Variants in CCDC171 observed in about 807,000 individuals in gnomAD.
CCDC171 encodes the protein coiled-coil domain containing 171, also known as coiled-coil domain-containing protein 171.
In CCDC171, 177 loss-of-function variants were observed where a neutral mutation model predicts 168.2. The observed-to-expected ratio is 1.05, with a 90% CI of 0.93 to 1.19. The LOEUF is 1.19. CCDC171 is among the 50% of genes most tolerant of loss of function. CCDC171 has a pLI of 0.00. For missense variants in CCDC171, 1,991 were observed against 1,539.0 expected (o/e 1.29, Z -4.91); for synonymous variants, 687 against 540.8 (o/e 1.27, Z -3.75).
chr9:15,706,475 A>G (rs772910205), intron 11 of CCDC171, among the ~76,000 whole-genome samples: 1 of 151,848 alleles, frequency 6.6e-6, no homozygotes, highest in Non-Finnish European at 1.5e-5. Context: ...TTTTATAGAG[A>G]TGGGATTTCA....
At chr9:15,719,685 A>C (rs528245839) in intron 11 of CCDC171, among the ~76,000 whole-genome samples, 2 of 152,304 alleles carry the variant, frequency 1.3e-5, no homozygotes, top group Admixed American at 1.3e-4. Context: ...AAGAATGTTC[A>C]TAGGTCAGTA....
intron 21 of CCDC171, among the ~76,000 whole-genome samples, chr9:15,820,379 T>C (rs190152397): frequency 0.025 from 2,862 of 114,572 alleles, 847 homozygotes; most frequent in African/African-American, 0.09. Flanking sequence ...AAAAAACCCT[T>C]CAAAAAATCA....
intron 21 of CCDC171, among the ~76,000 whole-genome samples, chr9:15,794,332 G>T (rs528031249): frequency 2.0e-5 from 3 of 152,024 alleles, no homozygotes; most frequent in Non-Finnish European, 4.4e-5. Flanking sequence ...AGGCATGTTG[G>T]TGGGCACCTG....
intron 7 of CCDC171, among the ~76,000 whole-genome samples, chr9:15,641,766 C>T (rs1341270201): frequency 6.6e-6 from 1 of 152,128 alleles, no homozygotes; most frequent in Non-Finnish European, 1.5e-5. Flanking sequence ...GTAACACCTA[C>T]TATTTACTAA....
intron 21 of CCDC171, among the ~76,000 whole-genome samples, chr9:15,810,566 C>T (rs888345810): frequency 2.2e-4 from 33 of 152,178 alleles, no homozygotes; most frequent in Admixed American, 2.2e-3. Flanking sequence ...GCGGCTGAGG[C>T]CCGGCGACAA....
upstream of CCDC171, among the ~76,000 whole-genome samples, chr9:16,041,998 A>G (rs1225043617): frequency 2.0e-5 from 3 of 152,230 alleles, no homozygotes; most frequent in African/African-American, 7.2e-5. Context: ...TCTGAGTCTC[A>G]TTCAATCTTC....
At chr9:15,581,703 TG>T (rs2041133363) in intron 4 of CCDC171, among the ~76,000 whole-genome samples, 1 of 151,928 alleles carries the variant, frequency 6.6e-6, no homozygotes. Flanking sequence ...TTTAATAAAT[TG>T]TGTTGGGAAA....
chr9:15,895,302 C>G (rs115154541), intron 24 of CCDC171, among the ~76,000 whole-genome samples: 1,544 of 152,212 alleles, frequency 0.01, 28 homozygotes, highest in African/African-American at 0.035. Context: ...GAGTGAGGAG[C>G]CTAACCATTC....
At chr9:15,895,457 G>C (rs1253024593) in intron 24 of CCDC171, among the ~76,000 whole-genome samples, 1 of 152,108 alleles carries the variant, frequency 6.6e-6, no homozygotes, top group African/African-American at 2.4e-5. Context: ...CACTTGAGCA[G>C]AGGTGGACTG....
intron 1 of CCDC171, among the ~76,000 whole-genome samples, chr9:15,559,491 C>G (rs1586949858): frequency 6.6e-6 from 1 of 152,050 alleles, no homozygotes; most frequent in African/African-American, 2.4e-5. Flanking sequence ...ATGTAATGGC[C>G]TTCTTTGTCT....
intron 24 of CCDC171, among the ~76,000 whole-genome samples, chr9:15,913,792 T>C (rs1824065110): frequency 6.6e-6 from 1 of 152,230 alleles, no homozygotes; most frequent in Non-Finnish European, 1.5e-5. Flanking sequence ...CTACCTTTTG[T>C]TTTTGCTGTC....
chr9:16,057,863 G>C (rs968187368), intron 1 of CCDC171, among the ~76,000 whole-genome samples: 7 of 152,180 alleles, frequency 4.6e-5, no homozygotes, highest in African/African-American at 1.7e-4. Context: ...GTTAGCAGGG[G>C]CTGGGACACC....
chr9:15,656,402 G>GA (rs1206521371), intron 7 of CCDC171, among the ~76,000 whole-genome samples: 5 of 151,722 alleles, frequency 3.3e-5, no homozygotes, highest in Admixed American at 6.6e-5. Flanking sequence ...CCAGAGAAAT[G>GA]AAAGTGTGTG....
chr9:15,841,866 C>T (rs1170963780), intron 21 of CCDC171, among the ~76,000 whole-genome samples: 2 of 151,888 alleles, frequency 1.3e-5, no homozygotes, highest in Non-Finnish European at 2.9e-5. Context: ...CTGTGACAAC[C>T]TGTACAGTTT....
intron 18 of CCDC171, among the ~76,000 whole-genome samples, chr9:15,774,614 CAGAGGA>C (rs1446914581): frequency 6.6e-6 from 1 of 152,124 alleles, no homozygotes; most frequent in Non-Finnish European, 1.5e-5. Flanking sequence ...CATATCTACT[CAGAGGA>C]AAAGATGTCG....
chr9:15,699,587 G>A (rs2051519659), intron 11 of CCDC171, among the ~76,000 whole-genome samples: 1 of 152,112 alleles, frequency 6.6e-6, no homozygotes, highest in Admixed American at 6.5e-5. Context: ...GTCCCCACCA[G>A]ATTAGTTAGG....
At chr9:15,687,505 A>G (rs1458094334) in intron 10 of CCDC171, among the ~76,000 whole-genome samples, 5 of 152,180 alleles carry the variant, frequency 3.3e-5, no homozygotes, top group Non-Finnish European at 7.3e-5. Flanking sequence ...ACTAAACCCA[A>G]AACAAGTGGA....
chr9:15,652,698 C>T (rs2047622578), intron 7 of CCDC171, among the ~76,000 whole-genome samples: 1 of 152,146 alleles, frequency 6.6e-6, no homozygotes, highest in Admixed American at 6.5e-5. Context: ...GTCTTGGCCT[C>T]CCAAAGCACT....
intron 24 of CCDC171, among the ~76,000 whole-genome samples, chr9:15,903,399 A>G (rs1224254151): frequency 1.3e-5 from 2 of 152,118 alleles, no homozygotes; most frequent in African/African-American, 4.8e-5. Flanking sequence ...TGCAGCCTCC[A>G]CTGCTGATAC....
Sources: gnomAD v4.1 joint callset for allele counts (sites outside exome capture counted in the v4.1 genomes callset) on GRCh38, gnomAD v4.1.1 for gene constraint, MANE v1.5 for transcripts, NCBI Gene and HGNC (gene_info 2026-07-23, HGNC 2026-07-21) for gene names.